Variants in NCK1 observed in about 807,000 individuals in gnomAD.
NCK1 encodes NCK adaptor protein 1, also known as SH2/SH3 adapter protein NCK1.
Under a neutral mutation model 36.6 loss-of-function variants are expected in NCK1, and 19 were observed. The ratio of observed to expected loss-of-function variants is 0.52; its 90% confidence interval spans 0.36 to 0.76. NCK1 has a LOEUF of 0.76. NCK1 is among the 30% of genes least tolerant of loss of function. The pLI, the probability that NCK1 is intolerant of heterozygous loss-of-function variation, is 0.00. For missense variants in NCK1, 358 were observed against 445.6 expected, an observed-to-expected ratio of 0.80 and a Z score of 1.77; for synonymous variants, 165 against 156.0, an observed-to-expected ratio of 1.06 and a Z score of -0.43.
intron 1 of NCK1, among the ~76,000 whole-genome samples, chr3:136,909,362 G>A (rs765925170): frequency 2.6e-5 from 4 of 152,270 alleles, no homozygotes; most frequent in Non-Finnish European, 5.9e-5. Flanking sequence ...CTGAAACACC[G>A]TGTGAAAGGA....
chr3:136,907,942 T>A (rs1411842645), intron 1 of NCK1, among the ~76,000 whole-genome samples: 1 of 152,152 alleles, frequency 6.6e-6, no homozygotes, highest in Non-Finnish European at 1.5e-5. Flanking sequence ...ACCGGTAATA[T>A]CATGGTCAGC....
chr3:136,929,424 T>C (rs554137901), intron 2 of NCK1, among the ~76,000 whole-genome samples: 1 of 152,340 alleles, frequency 6.6e-6, no homozygotes, highest in Non-Finnish European at 1.5e-5. Context: ...CTAAAGGTAA[T>C]TAAGTAGATA....
chr3:136,868,811 T>G (rs1938522806), intron 1 of NCK1, among the ~76,000 whole-genome samples: 1 of 152,170 alleles, frequency 6.6e-6, no homozygotes. Context: ...TATAACTAAA[T>G]GCAGTGATCT....
intron 1 of NCK1, among the ~76,000 whole-genome samples, chr3:136,903,703 G>C (rs1939607049): frequency 6.6e-6 from 1 of 152,306 alleles, no homozygotes; most frequent in East Asian, 1.9e-4. Context: ...GGGATTGTAG[G>C]TGAGAGCCAC....
intron 1 of NCK1, among the ~76,000 whole-genome samples, chr3:136,913,694 A>C (rs1939886607): frequency 6.6e-6 from 1 of 151,800 alleles, no homozygotes; most frequent in Admixed American, 6.6e-5. Flanking sequence ...TTTGAGACGG[A>C]ATCTCACTCT....
intron 1 of NCK1, among the ~76,000 whole-genome samples, chr3:136,909,173 T>C (rs1002267305): frequency 2.0e-5 from 3 of 152,184 alleles, no homozygotes; most frequent in South Asian, 2.1e-4. Flanking sequence ...TATTCTGTTA[T>C]AGCAGCACAA....
At chr3:136,922,147 A>G (rs538633901) in intron 1 of NCK1, among the ~76,000 whole-genome samples, 42 of 152,288 alleles carry the variant, frequency 2.8e-4, no homozygotes, top group Non-Finnish European at 5.3e-4. Context: ...TGTTATTGGC[A>G]TTTATCTGGA....
Position 136,948,789 on chromosome 3 carries a change from T to C in NCK1, c.*336T>C, listed in dbSNP as rs1429467941. The C allele has an allele frequency of 6.3e-6, 1 of 159,688 alleles. No individual in the cohort carries two copies. Among genetic ancestry groups the C allele is most frequent in the Non-Finnish European group, 1.4e-5 (1 of 72,804 alleles). 9.9% of individuals were successfully genotyped at this position (159,688 alleles called of 1,614,324 possible). A position where few individuals can be genotyped will look rare whatever the true frequency, so the allele number is the denominator to read the frequency against. ...ATATGGAAGAAATCCTTTATTGCCT[T>C]TCCTTTGTTTCCTTGTAAAGGCACC... On this transcript the variant is annotated 3_prime_UTR_variant, in exon 4 of 4. Transcript: ENST00000481752.
intron 2 of NCK1, among the ~76,000 whole-genome samples, chr3:136,934,453 T>C (rs1482079470): frequency 6.6e-6 from 1 of 151,834 alleles, no homozygotes; most frequent in African/African-American, 2.4e-5. Context: ...GCCTGGCTAA[T>C]TTTTGTGTTT....
At chr3:136,896,439 C>T (rs1939392736) in intron 1 of NCK1, among the ~76,000 whole-genome samples, 1 of 152,274 alleles carries the variant, frequency 6.6e-6, no homozygotes, top group African/African-American at 2.4e-5. Flanking sequence ...ACCTCCAGGT[C>T]CATCCATGTT....
At chr3:136,869,218 T>TAAC (rs1938536463) in intron 1 of NCK1, among the ~76,000 whole-genome samples, 1 of 149,340 alleles carries the variant, frequency 6.7e-6, no homozygotes, top group Non-Finnish European at 1.5e-5. Flanking sequence ...CCGGCCTGGG[T>TAAC]AACAGAGCAA....
At chr3:136,883,186 G>C (rs1378706148) in intron 1 of NCK1, among the ~76,000 whole-genome samples, 2 of 152,160 alleles carry the variant, frequency 1.3e-5, no homozygotes, top group Non-Finnish European at 2.9e-5. Context: ...CTCCCAAAGT[G>C]CTGGGATTAC....
At chr3:136,872,265 T>A (rs1300416377) in intron 1 of NCK1, among the ~76,000 whole-genome samples, 1 of 152,172 alleles carries the variant, frequency 6.6e-6, no homozygotes, top group Non-Finnish European at 1.5e-5. Flanking sequence ...ATGGGGAACT[T>A]GTTGGGAACT....
intron 1 of NCK1, among the ~76,000 whole-genome samples, chr3:136,889,635 T>G (rs139049312): frequency 0.049 from 7,416 of 152,022 alleles, 608 homozygotes; most frequent in African/African-American, 0.17. Context: ...AGTGGTCTGT[T>G]TTGACAGGGC....
At chr3:136,902,820 C>T (rs1418906725) in intron 1 of NCK1, among the ~76,000 whole-genome samples, 1 of 152,178 alleles carries the variant, frequency 6.6e-6, no homozygotes, top group African/African-American at 2.4e-5. Flanking sequence ...AACCTAGACT[C>T]CACCAAAAAA....
At chr3:136,862,894 GC>G (rs554014914) in intron 1 of NCK1, among the ~76,000 whole-genome samples, 206 of 140,598 alleles carry the variant, frequency 1.5e-3, no homozygotes, top group African/African-American at 5.2e-3. Context: ...CTAGTCTGGG[GC>G]TGTGACTTTA....
intron 1 of NCK1, among the ~76,000 whole-genome samples, chr3:136,913,381 G>A (rs1319403087): frequency 6.6e-6 from 1 of 151,678 alleles, no homozygotes; most frequent in Non-Finnish European, 1.5e-5. Context: ...GGGCTCAAAG[G>A]ATCCTCCTTC....
intron 1 of NCK1, among the ~76,000 whole-genome samples, chr3:136,884,486 A>G (rs1015200221): frequency 6.6e-6 from 1 of 152,136 alleles, no homozygotes; most frequent in Admixed American, 6.5e-5. Context: ...CTGTGGCCCA[A>G]GCTGGAGTGC....
chr3:136,928,479 C>T (rs1696684478), intron 2 of NCK1: 3 of 435,134 alleles, frequency 6.9e-6, no homozygotes, highest in Non-Finnish European at 1.2e-5. Context: ...TAACTCTCAC[C>T]TTCTAGCAGG....
Sources: allele counts gnomAD v4.1 joint callset (sites outside exome capture counted in the v4.1 genomes callset), GRCh38; gene constraint gnomAD v4.1.1; transcripts MANE v1.5; gene names NCBI Gene and HGNC (gene_info 2026-07-23, HGNC 2026-07-21).